CD2AP: variants seen among roughly 807,000 people sequenced by gnomAD.
The protein encoded by CD2AP is CD2-associated protein.
A neutral mutation model predicts 85.1 loss-of-function variants in CD2AP; 46 were observed. The observed-to-expected ratio is 0.54, with a 90% confidence interval of 0.43 to 0.69. CD2AP has a LOEUF of 0.69. Ranked by LOEUF, CD2AP falls within the 30% of genes least tolerant of loss-of-function variation. The pLI, the probability that CD2AP is intolerant of heterozygous loss-of-function variation, is 0.00. For synonymous variants in CD2AP, 255 were observed against 252.9 expected (o/e 1.01, Z -0.08); for missense variants, 769 against 729.5 (o/e 1.05, Z -0.62).
chr6:47,591,046 T>G (rs1293383972), intron 11 of CD2AP, among the ~76,000 whole-genome samples: 1 of 152,152 alleles, frequency 6.6e-6, no homozygotes, highest in African/African-American at 2.4e-5. Flanking sequence ...AAGTTGCCAT[T>G]GGAAACAGCA....
Position 47,627,231 on chromosome 6 carries a change from C to T in CD2AP, c.*3004C>T, listed in dbSNP as rs1211548893. The T allele has an allele frequency of 2.0e-5, 3 of 152,076 alleles. No homozygotes were observed. The East Asian group carries it at 5.8e-4, about 29-fold the overall frequency. 9.4% of individuals were successfully genotyped at this position (152,076 alleles called of 1,614,324 possible). Reference sequence around the variant, plus strand: ...ATTATATTACTTCAATTTCCAAATACAAGAATAAATAGTAAACCAAAAACA... The same window carrying T: ...ATTATATTACTTCAATTTCCAAATATAAGAATAAATAGTAAACCAAAAACA... On this transcript the variant is annotated 3_prime_UTR_variant, in exon 18 of 18. Transcript: ENST00000359314.
intron 5 of CD2AP, among the ~76,000 whole-genome samples, chr6:47,559,257 A>ATTTT (rs76704002): frequency 7.7e-6 from 1 of 130,638 alleles, no homozygotes; most frequent in Non-Finnish European, 1.7e-5. Context: ...GTTTCGTGCA[A>ATTTT]TTTTTTTTTT....
At chr6:47,565,119 A>T (rs1451729142) in intron 5 of CD2AP, among the ~76,000 whole-genome samples, 2 of 152,084 alleles carry the variant, frequency 1.3e-5, no homozygotes, top group Admixed American at 1.3e-4. Flanking sequence ...TTATTTTTAG[A>T]TCCTCAGTTT....
At chr6:47,542,886 C>T (rs1009132334) in intron 3 of CD2AP, among the ~76,000 whole-genome samples, 1 of 151,946 alleles carries the variant, frequency 6.6e-6, no homozygotes, top group Non-Finnish European at 1.5e-5. Context: ...CATGGTAGCT[C>T]ACGCCTGTAA....
chr6:47,498,202 C>T (rs1765914386), intron 1 of CD2AP, among the ~76,000 whole-genome samples: 1 of 152,108 alleles, frequency 6.6e-6, no homozygotes, highest in South Asian at 2.1e-4. Context: ...ATGTTATATC[C>T]TATGCTTGCC....
In CD2AP at chr6:47,532,376, T is replaced by TACAC. The variant is rs10522555; in HGVS notation, c.166-1184_166-1181dup. On this transcript the variant is annotated intron_variant, in intron 2 of 17. Transcript: ENST00000359314. ...AAAAAAAAGTATATATATATATGTATACACACACACACACACACACACACA... is the reference window on the plus strand; with the variant it reads ...AAAAAAAAGTATATATATATATGTATACACACACACACACACACACACACACACA... Among the ~76,000 whole-genome samples, 678 of 142,000 alleles carry TACAC rather than the reference T, an allele frequency of 4.8e-3. 6 individuals carry two copies. Among genetic ancestry groups the TACAC allele is most frequent in the African/African-American group, 0.016 (606 of 37,856 alleles). 93.2% of individuals were successfully genotyped at this position (142,000 alleles called of 152,430 possible).
chr6:47,494,243 TA>T (rs753353836), intron 1 of CD2AP, among the ~76,000 whole-genome samples: 4 of 152,172 alleles, frequency 2.6e-5, no homozygotes, highest in Non-Finnish European at 4.4e-5. Flanking sequence ...GCTCTAGCTG[TA>T]GGTGCCAGGG....
At chr6:47,563,079 G>A in intron 5 of CD2AP, 1 of 243,570 alleles carries the variant, frequency 4.1e-6, no homozygotes, top group South Asian at 1.1e-4. Flanking sequence ...TTTGAACTCT[G>A]CTATAATTTT....
intron 11 of CD2AP, among the ~76,000 whole-genome samples, chr6:47,593,527 C>T (rs1168865706): frequency 6.6e-6 from 1 of 152,020 alleles, no homozygotes; most frequent in Non-Finnish European, 1.5e-5. Flanking sequence ...CATCATTAAT[C>T]ATGTCAGTAA....
intron 1 of CD2AP, among the ~76,000 whole-genome samples, chr6:47,478,512 G>C (rs1482969434): frequency 2.0e-5 from 3 of 152,158 alleles, no homozygotes; most frequent in Non-Finnish European, 4.4e-5. Context: ...GTGCGGGATG[G>C]GGGGCGGGGG....
chr6:47,584,527 GTAAC>G (rs984677396), intron 11 of CD2AP, among the ~76,000 whole-genome samples: 27 of 151,554 alleles, frequency 1.8e-4, no homozygotes, highest in African/African-American at 5.6e-4. Flanking sequence ...AGGCCCTCCA[GTAAC>G]TAACTGACCC....
At chr6:47,504,372 CTT>C (rs747281313) in intron 2 of CD2AP, among the ~76,000 whole-genome samples, 7 of 152,132 alleles carry the variant, frequency 4.6e-5, no homozygotes, top group Admixed American at 6.5e-5. Context: ...CTTGAATAAA[CTT>C]GTGTTTATTT....
Position 47,522,625 on chromosome 6 carries a change from A to G in CD2AP, c.166-10977A>G, listed in dbSNP as rs192491028. ...TATAGTCAGGAAGAAGAAAACAAAA[A>G]TTACCCAGTAAGTTTTTCAGGAAGC... is the stretch of plus-strand genomic sequence containing the variant. On this transcript the variant is annotated intron_variant, in intron 2 of 17. Transcript: ENST00000359314. Among the ~76,000 whole-genome samples the G allele has an allele frequency of 1.4e-3, 208 of 152,260 alleles. 3 individuals are homozygous for G. Among genetic ancestry groups the G allele is most frequent in the Non-Finnish European group, 3.8e-4 (26 of 68,014 alleles).
chr6:47,544,339 G>T (rs1736682044), intron 3 of CD2AP, among the ~76,000 whole-genome samples: 1 of 152,072 alleles, frequency 6.6e-6, no homozygotes, highest in African/African-American at 2.4e-5. Context: ...TCTCAAAAAT[G>T]GTAATGGGTA....
intron 16 of CD2AP, 53 bp from the exon 17 acceptor site, chr6:47,612,420 C>A: frequency 3.0e-6 from 4 of 1,312,050 alleles, no homozygotes; most frequent in South Asian, 1.2e-5. Context: ...AAACATTAGT[C>A]AAATAAATTA....
chr6:47,518,299 A>G (rs1002724725), intron 2 of CD2AP, among the ~76,000 whole-genome samples: 8 of 152,240 alleles, frequency 5.3e-5, no homozygotes, highest in Non-Finnish European at 7.3e-5. Context: ...AGCTATACCT[A>G]TATACCTATG....
intron 12 of CD2AP, among the ~76,000 whole-genome samples, chr6:47,596,923 T>C (rs757080622): frequency 1.3e-5 from 2 of 152,120 alleles, no homozygotes; most frequent in Middle Eastern, 3.2e-3. Flanking sequence ...CCAACACTTA[T>C]TATCTTTTAT....
intron 1 of CD2AP, among the ~76,000 whole-genome samples, chr6:47,490,156 CA>C (rs987476016): frequency 9.2e-5 from 14 of 151,948 alleles, no homozygotes; most frequent in Non-Finnish European, 1.3e-4. Context: ...AAAAAATAAA[CA>C]AAAACTGTAG....
intron 11 of CD2AP, among the ~76,000 whole-genome samples, chr6:47,582,696 A>G (rs1768511130): frequency 6.6e-6 from 1 of 151,514 alleles, no homozygotes; most frequent in African/African-American, 2.4e-5. Context: ...TGCCTAAAGT[A>G]TTGTATCCTC....
Sources: gnomAD v4.1 joint callset for allele counts (sites outside exome capture counted in the v4.1 genomes callset) on GRCh38, gnomAD v4.1.1 for gene constraint, MANE v1.5 for transcripts, NCBI Gene and HGNC (gene_info 2026-07-23, HGNC 2026-07-21) for gene names.